The following ENTREP2 variants were observed in gnomAD, a reference collection of about 807,000 sequenced individuals.
ENTREP2 encodes protein ENTREP2.
chr15:29,455,132 G>A, the ENTREP2 span, among the ~76,000 whole-genome samples: 45 of 152,144 alleles, frequency 3.0e-4, no homozygotes, highest in African/African-American at 1.1e-3. Context: ...CTGTCTCCAT[G>A]TGAAGAAGCC....
the ENTREP2 span, among the ~76,000 whole-genome samples, chr15:29,539,785 C>G: frequency 6.6e-6 from 1 of 152,148 alleles, no homozygotes; most frequent in Admixed American, 6.6e-5. Context: ...GGCTACAGAG[C>G]CAAGAACAGT....
chr15:29,328,647 T>C, the ENTREP2 span, among the ~76,000 whole-genome samples: 1 of 152,204 alleles, frequency 6.6e-6, no homozygotes, highest in Non-Finnish European at 1.5e-5. Flanking sequence ...CAGTGGTTAA[T>C]AGTTCTGATA....
chr15:29,232,364 A>G, the ENTREP2 span, among the ~76,000 whole-genome samples: 2 of 152,238 alleles, frequency 1.3e-5, no homozygotes. Flanking sequence ...GTCATCTAAC[A>G]TGTAAACTTT....
the ENTREP2 span, among the ~76,000 whole-genome samples, chr15:29,180,334 A>T: frequency 6.6e-6 from 1 of 152,214 alleles, no homozygotes; most frequent in Non-Finnish European, 1.5e-5. Context: ...CATTGTAATC[A>T]GGTTACCTGA....
chr15:29,472,720 C>A, the ENTREP2 span, among the ~76,000 whole-genome samples: 20 of 152,216 alleles, frequency 1.3e-4, no homozygotes, highest in African/African-American at 4.8e-4. Flanking sequence ...CTGCCTTGGC[C>A]TCCCAAAGTG....
the ENTREP2 span, among the ~76,000 whole-genome samples, chr15:29,567,712 A>T: frequency 6.6e-6 from 1 of 152,196 alleles, no homozygotes; most frequent in Non-Finnish European, 1.5e-5. Context: ...CCAGAGTAAC[A>T]GGCTATTACA....
the ENTREP2 span, among the ~76,000 whole-genome samples, chr15:29,448,250 G>A: frequency 1.4e-4 from 22 of 152,250 alleles, no homozygotes; most frequent in South Asian, 4.2e-4. Context: ...ACAGCACCTC[G>A]GGGAGGGAGC....
At chr15:29,341,035 A>C in the ENTREP2 span, among the ~76,000 whole-genome samples, 1 of 152,202 alleles carries the variant, frequency 6.6e-6, no homozygotes, top group Non-Finnish European at 1.5e-5. Flanking sequence ...ATCTCACACT[A>C]TCACTCCCGC....
chr15:29,545,291 C>A, the ENTREP2 span, among the ~76,000 whole-genome samples: 3 of 152,162 alleles, frequency 2.0e-5, no homozygotes, highest in African/African-American at 7.2e-5. Context: ...ATGCAGACAT[C>A]TGGTAGTTTT....
chr15:29,294,175 G>A, the ENTREP2 span, among the ~76,000 whole-genome samples: 1 of 152,306 alleles, frequency 6.6e-6, no homozygotes, highest in African/African-American at 2.4e-5. Context: ...CCAGGAGCTG[G>A]GATTAGGGCC....
At chr15:29,634,252 C>G in the ENTREP2 span, among the ~76,000 whole-genome samples, 1 of 152,096 alleles carries the variant, frequency 6.6e-6, no homozygotes, top group African/African-American at 2.4e-5. Context: ...GTCTTTACCC[C>G]ACTTGCCCTG....
At chr15:29,562,667 C>T in the ENTREP2 span, among the ~76,000 whole-genome samples, 1 of 152,178 alleles carries the variant, frequency 6.6e-6, no homozygotes, top group East Asian at 1.9e-4. Flanking sequence ...TAGAATTTGG[C>T]TATGAGCATT....
At chr15:29,642,194 G>T in the ENTREP2 span, among the ~76,000 whole-genome samples, 1 of 152,094 alleles carries the variant, frequency 6.6e-6, no homozygotes, top group African/African-American at 2.4e-5. Flanking sequence ...TTTTGGAAAA[G>T]AAGAACAAAT....
chr15:29,497,771 T>C, the ENTREP2 span, among the ~76,000 whole-genome samples: 27 of 152,158 alleles, frequency 1.8e-4, no homozygotes, highest in African/African-American at 6.5e-4. Flanking sequence ...CTAAGTTCTA[T>C]TTCATGTATT....
the ENTREP2 span, among the ~76,000 whole-genome samples, chr15:29,453,798 T>C: frequency 2.6e-5 from 4 of 152,348 alleles, no homozygotes; most frequent in African/African-American, 9.6e-5. Flanking sequence ...TAAAATAACA[T>C]GAGACCTTCT....
the ENTREP2 span, among the ~76,000 whole-genome samples, chr15:29,480,335 T>C: frequency 1.4e-4 from 6 of 42,652 alleles, no homozygotes; most frequent in South Asian, 4.7e-3. Context: ...CCATTCACTA[T>C]AGCAAAAAAA....
chr15:29,512,111 A>T, the ENTREP2 span, among the ~76,000 whole-genome samples: 1 of 152,114 alleles, frequency 6.6e-6, no homozygotes, highest in South Asian at 2.1e-4. Context: ...AAACAAAAAA[A>T]ATGAAATGAG....
At chr15:29,568,230 A>G in the ENTREP2 span, among the ~76,000 whole-genome samples, 1 of 152,352 alleles carries the variant, frequency 6.6e-6, no homozygotes, top group East Asian at 1.9e-4. Context: ...AGCCCATGAA[A>G]AAACAGACAG....
chr15:29,633,494 A>G, the ENTREP2 span, among the ~76,000 whole-genome samples: 1 of 151,998 alleles, frequency 6.6e-6, no homozygotes, highest in Non-Finnish European at 1.5e-5. Context: ...TTGGTATGAC[A>G]TGGAGTGGAG....
Sources: allele counts gnomAD v4.1 joint callset (sites outside exome capture counted in the v4.1 genomes callset), GRCh38; gene constraint gnomAD v4.1.1; transcripts MANE v1.5; gene names NCBI Gene and HGNC (gene_info 2026-07-23, HGNC 2026-07-21).